The following LGR5 variants were observed in gnomAD, a reference collection of about 807,000 sequenced individuals.
LGR5 encodes leucine rich repeat containing G protein-coupled receptor 5.
LGR5 carries 54 observed loss-of-function variants against 76.7 expected under a neutral mutation model. The observed-to-expected ratio is 0.70, with a 90% CI of 0.57 to 0.88. The LOEUF is 0.88. Ranked by LOEUF, LGR5 falls within the 40% of genes least tolerant of loss-of-function variation. The pLI is 0.00. For missense variants in LGR5, 1,078 were observed against 1,073.3 expected, an observed-to-expected ratio of 1.00 and a Z score of -0.06; for synonymous variants, 406 against 421.9, an observed-to-expected ratio of 0.96 and a Z score of 0.46.
At chr12:71,548,845 CACA>C (rs1565744254) in intron 4 of LGR5, among the ~76,000 whole-genome samples, 8 of 149,752 alleles carry the variant, frequency 5.3e-5, no homozygotes, top group Non-Finnish European at 1.0e-4. Flanking sequence ...CACACACACA[CACA>C]CCCTCTGTGA....
intron 4 of LGR5, among the ~76,000 whole-genome samples, chr12:71,544,266 T>C (rs915382523): frequency 2.7e-5 from 4 of 150,790 alleles, no homozygotes; most frequent in Non-Finnish European, 5.9e-5. Flanking sequence ...ATTCTTTTTT[T>C]TTTTTCTTTG....
At chr12:71,549,592 T>G (rs1439231757) in intron 4 of LGR5, among the ~76,000 whole-genome samples, 1 of 152,178 alleles carries the variant, frequency 6.6e-6, no homozygotes, top group Non-Finnish European at 1.5e-5. Context: ...AATTATTCCT[T>G]AACAAAGCTG....
chr12:71,553,130 T>C lies in LGR5; in HGVS notation c.486T>C (p.His162=), dbSNP rs1877575050. Residue 162 remains histidine, a synonymous_variant, in exon 5 of 18, where the codon CAT becomes CAC. Transcript: ENST00000266674. The part of the protein sequence containing the change: ...YVPPSCFSGL[H]SLRHLWLDDN... ...CCCCAAGCTGTTTCAGTGGCCTGCA[T>C]TCCCTGAGGCACCTGTGGCTGGATG... The C allele has an allele frequency of 1.9e-6, 3 of 1,613,888 alleles. No individual in the cohort carries two copies. The African/African-American group carries it at 4.0e-5, about 22-fold the overall frequency.
At position 71,440,154 on chromosome 12, in the gene LGR5, C is replaced by T. The variant is rs751732638; in HGVS notation, c.74C>T (p.Pro25Leu). Residue 25 changes from proline (P) to leucine (L), a missense_variant, in exon 1 of 18, where the codon CCC (proline) becomes CTC (leucine). Transcript: ENST00000266674. The surrounding 1 kb of genome is among the most constrained non-coding windows in gnomAD (Gnocchi z 5.3). ...CAGCTGGCGACCGGGGGCAGCTCTCCCAGGTCTGGTGTGTTGCTGAGGGGC... is the reference window on the plus strand; with the variant it reads ...CAGCTGGCGACCGGGGGCAGCTCTCTCAGGTCTGGTGTGTTGCTGAGGGGC... ...LLQLATGGSS[P>L]RSGVLLRGCP... 6.2e-7 allele frequency: 1 copy of T among 1,611,048 alleles called. No individual in the cohort carries two copies. Among genetic ancestry groups the T allele is most frequent in the African/African-American group, 1.3e-5 (1 of 74,990 alleles).
At chr12:71,547,487 T>G (rs533061801) in intron 4 of LGR5, among the ~76,000 whole-genome samples, 4 of 152,342 alleles carry the variant, frequency 2.6e-5, no homozygotes, top group Middle Eastern at 3.4e-3. Context: ...CTTCCTAAAT[T>G]TGAAGGTTTT....
intron 1 of LGR5, among the ~76,000 whole-genome samples, chr12:71,481,808 GA>G (rs2137261575): frequency 6.6e-6 from 1 of 152,192 alleles, no homozygotes; most frequent in Non-Finnish European, 1.5e-5. Flanking sequence ...ACTTTTAGAA[GA>G]TTTTTTTTTG....
chr12:71,491,847 C>T (rs1874089084), intron 1 of LGR5, among the ~76,000 whole-genome samples: 2 of 148,742 alleles, frequency 1.3e-5, no homozygotes, highest in South Asian at 4.4e-4. Flanking sequence ...GGATTTGGAA[C>T]CACAGGAAAT....
intron 1 of LGR5, among the ~76,000 whole-genome samples, chr12:71,490,129 CAAA>C (rs34971565): frequency 3.5e-5 from 5 of 140,904 alleles, no homozygotes; most frequent in South Asian, 4.5e-4. Context: ...GACCCAGCCT[CAAA>C]AAAAAAAAAA....
rs185939465 is a variant in LGR5, at chr12:71,578,828, G to C, written c.1305G>C (p.Ser435=). 6.2e-7 allele frequency: 1 copy of C among 1,609,290 alleles called. No individual in the cohort carries two copies. Among genetic ancestry groups the C allele is most frequent in the South Asian group, 1.1e-5 (1 of 90,222 alleles). Residue 435 remains serine, a synonymous_variant, in exon 15 of 18, where the codon TCG becomes TCC. Coordinates refer to ENST00000266674, the MANE Select transcript of LGR5 (RefSeq NM_003667.4). The part of the protein sequence containing the change: ...IKLDLSSNLL[S]SFPITGLHGL... ...GGGACCTATCGTCCAACCTCCTGTCGTCTTTTCCTATAACTGGGTTACATG... is the reference window on the plus strand; with the variant it reads ...GGGACCTATCGTCCAACCTCCTGTCCTCTTTTCCTATAACTGGGTTACATG...
chr12:71,535,083 T>A (rs778124861), intron 3 of LGR5, 32 bp from the exon 4 acceptor site: 22 of 1,509,986 alleles, frequency 1.5e-5, no homozygotes, highest in South Asian at 7.9e-5. Flanking sequence ...TCATTTTTTT[T>A]AACATTTTTC....
chr12:71,482,448 C>T (rs759884531), intron 1 of LGR5, among the ~76,000 whole-genome samples: 4 of 151,850 alleles, frequency 2.6e-5, no homozygotes, highest in Non-Finnish European at 5.9e-5. Context: ...TGTCTATGTC[C>T]AAATTTTCTC....
At chr12:71,499,436 C>T (rs1565695807) in intron 1 of LGR5, among the ~76,000 whole-genome samples, 2 of 152,056 alleles carry the variant, frequency 1.3e-5, no homozygotes, top group Non-Finnish European at 2.9e-5. Flanking sequence ...TGTAAAGACA[C>T]ATGCAAAGGG....
chr12:71,581,636 T>G (rs1592567015), intron 16 of LGR5, among the ~76,000 whole-genome samples: 1 of 152,340 alleles, frequency 6.6e-6, no homozygotes, highest in African/African-American at 2.4e-5. Flanking sequence ...CTTGCTTCAG[T>G]TTTTGCTCTT....
At chr12:71,570,833 T>A (rs889787545) in intron 11 of LGR5, among the ~76,000 whole-genome samples, 3 of 152,186 alleles carry the variant, frequency 2.0e-5, no homozygotes, top group African/African-American at 7.2e-5. Context: ...GGCATGAAAA[T>A]GTGTTAGTTG....
chr12:71,485,813 T>A (rs1873800038), intron 1 of LGR5, among the ~76,000 whole-genome samples: 1 of 151,838 alleles, frequency 6.6e-6, no homozygotes, highest in African/African-American at 2.4e-5. Context: ...GTCTCCAGGC[T>A]GGACTGCAGT....
chr12:71,508,373 T>C (rs1874965868), intron 2 of LGR5, among the ~76,000 whole-genome samples: 1 of 151,388 alleles, frequency 6.6e-6, no homozygotes, highest in Admixed American at 6.6e-5. Flanking sequence ...CTCTCATCCA[T>C]GGCTAAGCCT....
chr12:71,454,959 A>C (rs1442758520), intron 1 of LGR5, among the ~76,000 whole-genome samples: 2 of 152,146 alleles, frequency 1.3e-5, no homozygotes, highest in Admixed American at 1.3e-4. Flanking sequence ...ACTACGGTGC[A>C]GGGGAAAAAA....
intron 1 of LGR5, among the ~76,000 whole-genome samples, chr12:71,445,307 A>C (rs929210290): frequency 6.6e-6 from 1 of 152,198 alleles, no homozygotes; most frequent in African/African-American, 2.4e-5. Context: ...CTGGCACTAA[A>C]GCCACAACTG....
intron 4 of LGR5, among the ~76,000 whole-genome samples, chr12:71,539,806 C>T (rs771882822): frequency 6.6e-6 from 1 of 152,122 alleles, no homozygotes; most frequent in Non-Finnish European, 1.5e-5. Context: ...TCTTCTGATG[C>T]TAACAAATTG....
Sources: gnomAD v4.1 joint callset for allele counts (sites outside exome capture counted in the v4.1 genomes callset) on GRCh38, gnomAD v4.1.1 for gene constraint, Gnocchi (gnomAD v3.1) non-coding constraint, MANE v1.5 for transcripts, NCBI Gene and HGNC (gene_info 2026-07-23, HGNC 2026-07-21) for gene names.